The following GMDS variants were observed in gnomAD, a reference collection of about 807,000 sequenced individuals.
GMDS encodes the protein GDP-mannose 4,6-dehydratase.
GMDS carries 20 observed loss-of-function variants against 49.9 expected under a neutral mutation model. That is an observed-to-expected ratio of 0.40 (90% CI 0.28 to 0.58). The LOEUF is 0.58. Among genes scored for constraint, GMDS ranks in the 20% least tolerant of loss-of-function variants. The pLI, the probability that GMDS is intolerant of heterozygous loss-of-function variation, is 0.42. For synonymous variants in GMDS, 177 were observed against 178.6 expected (o/e 0.99, Z 0.07); for missense variants, 362 against 481.4 (o/e 0.75, Z 2.32).
chr6:2,011,757 A>T (rs1767573170), intron 4 of GMDS, among the ~76,000 whole-genome samples: 1 of 152,170 alleles, frequency 6.6e-6, no homozygotes, highest in South Asian at 2.1e-4. Context: ...TCTAGAAAAA[A>T]ATTAAAAATT....
chr6:1,667,908 G>A (rs11242713), intron 9 of GMDS, among the ~76,000 whole-genome samples: 50,636 of 119,686 alleles, frequency 0.42, 8,837 homozygotes, highest in Middle Eastern at 0.52. Flanking sequence ...TTCTAATGAA[G>A]ACTGGGACCC....
chr6:1,751,493 ATTTGTTTG>A (rs373143232), intron 7 of GMDS, among the ~76,000 whole-genome samples: 1 of 151,986 alleles, frequency 6.6e-6, no homozygotes, highest in African/African-American at 2.4e-5. Context: ...CTGTTTTTTC[ATTTGTTTG>A]TTTGTTTGTT....
intron 1 of GMDS, among the ~76,000 whole-genome samples, chr6:2,156,314 G>T (rs1251736521): frequency 6.6e-6 from 1 of 152,086 alleles, no homozygotes; most frequent in Non-Finnish European, 1.5e-5. Context: ...CTATGGTAAT[G>T]CAATTATCTC....
rs1006385530 is a variant in GMDS, at chr6:1,664,981, G to A, written c.988-40441C>T. 5.3e-5 allele frequency among the ~76,000 whole-genome samples: 8 copies of A among 152,304 alleles called. No individual in the cohort carries two copies. The South Asian group carries it at 1.0e-3, about 20-fold the overall frequency. Reference sequence around the variant, plus strand: ...CAGATAGACTTCTGCATACTCAGCTGGCTTTGCACATCTCTACCACAGAGT... The same window carrying A: ...CAGATAGACTTCTGCATACTCAGCTAGCTTTGCACATCTCTACCACAGAGT... On this transcript the variant is annotated intron_variant, in intron 9 of 10. Transcript: ENST00000380815.
At chr6:2,071,904 C>T (rs897077409) in intron 4 of GMDS, among the ~76,000 whole-genome samples, 6 of 152,146 alleles carry the variant, frequency 3.9e-5, no homozygotes, top group Admixed American at 3.3e-4. Context: ...CTATACCTCA[C>T]TTTCTTTATG....
At chr6:1,922,311 G>A (rs1761755025) in intron 7 of GMDS, among the ~76,000 whole-genome samples, 1 of 152,136 alleles carries the variant, frequency 6.6e-6, no homozygotes, top group African/African-American at 2.4e-5. Context: ...GTTAAGTAAG[G>A]CCTTACTAAC....
At chr6:2,181,978 CCAAA>C (rs1778563696) in intron 1 of GMDS, among the ~76,000 whole-genome samples, 3 of 152,180 alleles carry the variant, frequency 2.0e-5, no homozygotes, top group African/African-American at 4.8e-5. Flanking sequence ...GCCTCTTGCA[CCAAA>C]CAGTTAGCTT....
At chr6:1,810,668 G>A (rs1245569271) in intron 7 of GMDS, among the ~76,000 whole-genome samples, 1 of 152,120 alleles carries the variant, frequency 6.6e-6, no homozygotes, top group Non-Finnish European at 1.5e-5. Flanking sequence ...ACAGGGAGGA[G>A]GGGAAGAGGG....
intron 1 of GMDS, among the ~76,000 whole-genome samples, chr6:2,172,361 A>G (rs1446827941): frequency 2.0e-5 from 3 of 152,208 alleles, no homozygotes; most frequent in Admixed American, 2.0e-4. Flanking sequence ...AAAAAGCATG[A>G]ATTTCTGTTT....
intron 1 of GMDS, among the ~76,000 whole-genome samples, chr6:2,165,822 T>C (rs1337672187): frequency 2.0e-5 from 3 of 152,046 alleles, no homozygotes; most frequent in East Asian, 1.9e-4. Flanking sequence ...AGAGAACACT[T>C]TGAAATAAAA....
intron 7 of GMDS, among the ~76,000 whole-genome samples, chr6:1,877,498 C>T (rs1393611245): frequency 2.0e-5 from 3 of 151,616 alleles, no homozygotes; most frequent in Non-Finnish European, 2.9e-5. Context: ...ATTAGCCAGG[C>T]GTGACGGTGT....
At chr6:1,855,172 A>C (rs1016983153) in intron 7 of GMDS, among the ~76,000 whole-genome samples, 2 of 152,206 alleles carry the variant, frequency 1.3e-5, no homozygotes, top group Admixed American at 1.3e-4. Flanking sequence ...GTCAGGAAAG[A>C]CATCAGGTGG....
At chr6:1,843,978 G>A (rs889128804) in intron 7 of GMDS, among the ~76,000 whole-genome samples, 6 of 152,104 alleles carry the variant, frequency 3.9e-5, no homozygotes, top group African/African-American at 1.4e-4. Context: ...ACTTCAACTC[G>A]CCCTCAGCAT....
At chr6:1,677,822 G>A (rs926746665) in intron 9 of GMDS, among the ~76,000 whole-genome samples, 1 of 149,932 alleles carries the variant, frequency 6.7e-6, no homozygotes. Context: ...GGGAGGGATA[G>A]CATTAGGAGA....
At position 2,226,866 on chromosome 6, in the gene GMDS, T is replaced by A. The variant is rs148217392; in HGVS notation, c.102+18455A>T. ...CACCCTAGACCCCCAGATGCATTCA[T>A]CCCTGGAGTCCCTCGTACTCAATCA... On this transcript the variant is annotated intron_variant, in intron 1 of 10. Transcript: ENST00000380815. Among the ~76,000 whole-genome samples the A allele has an allele frequency of 2.2e-3, 334 of 152,320 alleles. 8 individuals carry two copies. The highest frequency in any genetic ancestry group is 0.019 in the Admixed American group (297 of 15,302).
chr6:1,680,464 T>C (rs1221839287), intron 9 of GMDS, among the ~76,000 whole-genome samples: 1 of 152,078 alleles, frequency 6.6e-6, no homozygotes, highest in Non-Finnish European at 1.5e-5. Flanking sequence ...CTCTTATACC[T>C]CTGCCTTCCA....
chr6:1,930,158 C>T lies in GMDS; in HGVS notation c.716G>A (p.Ser239Asn), dbSNP rs753989759. Residue 239 changes from serine (S) to asparagine (N), a missense_variant, in exon 7 of 11, where the codon AGT becomes AAT. By Grantham distance (46) the Ser-to-Asn change is conservative. Transcript: ENST00000380815. ...KIYLGQLECF[S>N]LGNLDAKRDW... ...TCGTTTGGCATCCAGATTTCCCAAA[C>T]TGAAACATTCCAGTTGTCCAAGGTA... 6.2e-7 allele frequency: 1 copy of T among 1,613,152 alleles called. No homozygotes were observed.
chr6:1,736,249 TA>T (rs1766998999), intron 8 of GMDS, among the ~76,000 whole-genome samples: 2 of 152,196 alleles, frequency 1.3e-5, no homozygotes, highest in Non-Finnish European at 2.9e-5. Flanking sequence ...TTTTGTTTTT[TA>T]AGGGTTAAAA....
intron 1 of GMDS, chr6:2,175,966 C>T (rs999170722): frequency 2.6e-5 from 39 of 1,528,842 alleles, no homozygotes; most frequent in Non-Finnish European, 3.1e-5. Flanking sequence ...GCAATGGTAA[C>T]GCTCCCAACA....
Sources: allele counts gnomAD v4.1 joint callset (sites outside exome capture counted in the v4.1 genomes callset), GRCh38; gene constraint gnomAD v4.1.1; transcripts MANE v1.5; gene names NCBI Gene and HGNC (gene_info 2026-07-23, HGNC 2026-07-21).